Variants in ITSN1 observed in about 807,000 individuals in gnomAD.
The protein encoded by ITSN1 is intersectin-1.
Under a neutral mutation model 239.8 loss-of-function variants are expected in ITSN1, and 58 were observed. That is an observed-to-expected ratio of 0.24 (90% CI 0.20 to 0.30). ITSN1 has a LOEUF of 0.30. Among genes scored for constraint, ITSN1 ranks in the 10% least tolerant of loss-of-function variants. The pLI is 1.00. For missense variants in ITSN1, 1,558 were observed against 2,103.3 expected (o/e 0.74, Z 5.07); for synonymous variants, 780 against 770.8 (o/e 1.01, Z -0.20).
rs374992792 is a variant in ITSN1 at position 33,852,235 on chromosome 21, G to T, written c.3662-4501G>T. On this transcript the variant is annotated intron_variant, in intron 29 of 39. Coordinates refer to ENST00000381318, the MANE Select transcript of ITSN1 (RefSeq NM_003024.3). The stretch of plus-strand genomic sequence containing the variant: ...ATAAATATTTATGGACCACCTTATT[G>T]CATATTTTGGCCCCTTTCATACAGG... 4.6e-5 allele frequency among the ~76,000 whole-genome samples: 7 copies of T among 152,216 alleles called. No homozygotes were observed. The East Asian group carries it at 1.4e-3, about 29-fold the overall frequency.
chr21:33,758,036 A>G (rs1275360835), intron 8 of ITSN1, among the ~76,000 whole-genome samples: 1 of 151,904 alleles, frequency 6.6e-6, no homozygotes, highest in Non-Finnish European at 1.5e-5. Flanking sequence ...ATGCACCACC[A>G]CACCTGGCTA....
chr21:33,754,119 A>C (rs1355004721), intron 7 of ITSN1: 1 of 152,174 alleles, frequency 6.6e-6, no homozygotes, highest in East Asian at 1.9e-4. Context: ...TAGCAACTAG[A>C]TAGTTAGCTT....
intron 38 of ITSN1, among the ~76,000 whole-genome samples, chr21:33,885,839 G>A (rs1416048992): frequency 6.6e-6 from 1 of 152,162 alleles, no homozygotes; most frequent in Non-Finnish European, 1.5e-5. Flanking sequence ...TTTAGTTTAA[G>A]GATGAAGCTG....
At chr21:33,838,483 C>A (rs1350530400) in intron 29 of ITSN1, 36 of 979,976 alleles carry the variant, frequency 3.7e-5, no homozygotes, top group Non-Finnish European at 4.2e-5. Flanking sequence ...TAATTAAATT[C>A]TTCATACAAA....
chr21:33,780,262 T>A (rs1447780409), intron 14 of ITSN1, among the ~76,000 whole-genome samples: 1 of 152,246 alleles, frequency 6.6e-6, no homozygotes, highest in Non-Finnish European at 1.5e-5. Context: ...AAGATTGATG[T>A]TTAGACTGTT....
chr21:33,705,639 G>A (rs1424006844), intron 1 of ITSN1, among the ~76,000 whole-genome samples: 1 of 151,914 alleles, frequency 6.6e-6, no homozygotes, highest in African/African-American at 2.4e-5. Context: ...TGATCCGCCC[G>A]CCTCAGCCTC....
At chr21:33,723,643 C>T (rs926295265) in intron 4 of ITSN1, among the ~76,000 whole-genome samples, 2 of 152,048 alleles carry the variant, frequency 1.3e-5, no homozygotes, top group Non-Finnish European at 2.9e-5. Flanking sequence ...GATTTGTAGT[C>T]GTACACCTGA....
chr21:33,728,497 G>A (rs2065966520), intron 4 of ITSN1, among the ~76,000 whole-genome samples: 1 of 152,204 alleles, frequency 6.6e-6, no homozygotes, highest in Admixed American at 6.5e-5. Context: ...CAAAGTGCTG[G>A]GATTACAGGC....
intron 1 of ITSN1, among the ~76,000 whole-genome samples, chr21:33,712,666 C>G (rs912982974): frequency 1.3e-5 from 2 of 152,204 alleles, no homozygotes; most frequent in African/African-American, 4.8e-5. Context: ...CACTGCATAG[C>G]TCCCTGACTG....
At position 33,842,143 on chromosome 21, in the gene ITSN1, C is replaced by T. The variant is rs1489259698; in HGVS notation, c.3661+5511C>T. 2.0e-5 allele frequency among the ~76,000 whole-genome samples: 3 copies of T among 152,024 alleles called. No individual in the cohort carries two copies. The East Asian group carries it at 5.8e-4, about 29-fold the overall frequency. On this transcript the variant is annotated intron_variant, in intron 29 of 39. Coordinates refer to ENST00000381318, the MANE Select transcript of ITSN1 (RefSeq NM_003024.3). ...ATCTCCTGACCTTGTGATCCGCCTG[C>T]CTCGGCCTCCCAAAGTGCTGGGATT... is the stretch of plus-strand genomic sequence containing the variant.
intron 20 of ITSN1, 117 bp from the exon 21 acceptor site, chr21:33,810,858 T>C: frequency 8.7e-7 from 1 of 1,148,022 alleles, no homozygotes; most frequent in South Asian, 1.2e-5. Context: ...GATGAAGAGA[T>C]TCCTATGCCA....
intron 1 of ITSN1, among the ~76,000 whole-genome samples, chr21:33,657,669 G>A (rs1350925454): frequency 6.6e-6 from 1 of 152,102 alleles, no homozygotes; most frequent in Non-Finnish European, 1.5e-5. Flanking sequence ...AGGGATTAGG[G>A]GTGTTGGTCC....
At chr21:33,837,531 C>T (rs766212421) in intron 29 of ITSN1, 584 of 985,764 alleles carry the variant, frequency 5.9e-4, no homozygotes, top group Non-Finnish European at 6.8e-4. Flanking sequence ...GCTTTTCCCC[C>T]TTACCATAGA....
intron 27 of ITSN1, among the ~76,000 whole-genome samples, chr21:33,830,591 A>AG (rs1569269432): frequency 6.6e-6 from 1 of 152,120 alleles, no homozygotes; most frequent in Non-Finnish European, 1.5e-5. Flanking sequence ...ACCTGTCGAA[A>AG]GGGGGCTAAA....
At chr21:33,796,492 T>C (rs1285849310) in intron 17 of ITSN1, among the ~76,000 whole-genome samples, 1 of 152,244 alleles carries the variant, frequency 6.6e-6, no homozygotes, top group East Asian at 1.9e-4. Flanking sequence ...TTCAATTATG[T>C]TCCCGTGGCA....
At position 33,827,920 on chromosome 21, in the gene ITSN1, A is replaced by C. The variant is rs746509138; in HGVS notation, c.3229+1057A>C. Among the ~76,000 whole-genome samples the C allele has an allele frequency of 1.2e-3, 182 of 152,208 alleles. 4 individuals are homozygous for C. Among genetic ancestry groups the C allele is most frequent in the Non-Finnish European group, 3.5e-4 (24 of 68,044 alleles). On this transcript the variant is annotated intron_variant, in intron 26 of 39. Transcript: ENST00000381318. ...CAACTGGGCTTACATGGCTAGGGAA[A>C]AGAAGGGAAATTTCACGTAGTCTAG...
rs568136228 is a variant in ITSN1 at position 33,879,343 on chromosome 21, C to G, written c.4342-2900C>G. 1.2e-3 allele frequency among the ~76,000 whole-genome samples: 183 copies of G among 152,100 alleles called. 2 individuals are homozygous for G. Among genetic ancestry groups the G allele is most frequent in the African/African-American group, 4.0e-3 (168 of 41,486 alleles). ...TCCAACGTGGGCAACAGAGCAAGAC[C>G]CTGTCTCAGAAAAAAAAGAAAGATT... On this transcript the variant is annotated intron_variant, in intron 34 of 39. Coordinates refer to ENST00000381318, the MANE Select transcript of ITSN1 (RefSeq NM_003024.3).
chr21:33,752,269 A>G (rs988239769), intron 7 of ITSN1, among the ~76,000 whole-genome samples: 1 of 152,162 alleles, frequency 6.6e-6, no homozygotes, highest in African/African-American at 2.4e-5. Context: ...TTACAAGTTT[A>G]TGTATAAAAT....
rs751534711 is a variant in ITSN1 at position 33,867,251 on chromosome 21, C to T, written c.4093C>T (p.Arg1365Trp). 39 of 1,607,086 alleles carry T rather than the reference C, an allele frequency of 2.4e-5. No individual in the cohort carries two copies. Among genetic ancestry groups the T allele is most frequent in the Non-Finnish European group, 3.2e-5 (37 of 1,173,886 alleles). ...EFVKRLAMDP[R>W]CKGMPLSSFI... ...ATTTCAGAGATTGGCAATGGATCCTCGGTGTAAAGGGATGCCACTCTCTAG... is the reference window on the plus strand; with the variant it reads ...ATTTCAGAGATTGGCAATGGATCCTTGGTGTAAAGGGATGCCACTCTCTAG... Residue 1365 changes from arginine to tryptophan, a missense_variant, in exon 33 of 40, where the codon CGG becomes TGG. Physicochemically the swap from Arg to Trp is moderately radical, Grantham distance 101. Coordinates refer to ENST00000381318, the MANE Select transcript of ITSN1 (RefSeq NM_003024.3).
Sources: allele counts gnomAD v4.1 joint callset (sites outside exome capture counted in the v4.1 genomes callset), GRCh38; gene constraint gnomAD v4.1.1; transcripts MANE v1.5; gene names NCBI Gene and HGNC (gene_info 2026-07-23, HGNC 2026-07-21).